The following SDK1 variants were observed in gnomAD, a reference collection of about 807,000 sequenced individuals.
The protein encoded by SDK1 is sidekick cell adhesion molecule 1, also known as protein sidekick-1.
SDK1 carries 157 observed loss-of-function variants against 245.5 expected under a neutral mutation model. The ratio of observed to expected loss-of-function variants is 0.64; its 90% CI spans 0.56 to 0.73. The LOEUF is 0.73. Ranked by LOEUF, SDK1 falls within the 30% of genes least tolerant of loss-of-function variation. The probability of loss-of-function intolerance (pLI) is 0.00; values close to 1 mark genes in which losing one functional copy is unlikely to be tolerated. For synonymous variants in SDK1, 1,647 were observed against 1,278.5 expected (o/e 1.29, Z -6.15); for missense variants, 3,583 against 3,002.3 (o/e 1.19, Z -4.52).
chr7:3,301,575 C>T lies in SDK1; in HGVS notation c.-12C>T, dbSNP rs1306138794. On this transcript the variant is annotated 5_prime_UTR_variant, in exon 1 of 45. Coordinates refer to ENST00000404826, the MANE Select transcript of SDK1 (RefSeq NM_152744.4). The stretch of plus-strand genomic sequence containing the variant: ...CCGTCCGGCGCGGCGCTCGGGGTGG[C>T]GGCTGCTCGGCATGGCCCGGGGCGC... 19 of 945,142 alleles carry T rather than the reference C, an allele frequency of 2.0e-5. 1 individual carries two copies. Among genetic ancestry groups the T allele is most frequent in the South Asian group, 4.8e-5 (1 of 20,912 alleles). The allele number at this position is 945,142 out of a possible 1,614,324, so 58.5% of individuals were successfully genotyped here.
intron 5 of SDK1, among the ~76,000 whole-genome samples, chr7:3,944,386 G>A (rs1027534714): frequency 4.6e-5 from 7 of 152,182 alleles, no homozygotes; most frequent in Admixed American, 6.5e-5. Flanking sequence ...TTTTGTTTTC[G>A]TTCTTGGAAC....
At chr7:3,460,557 A>G (rs1401409333) in intron 1 of SDK1, among the ~76,000 whole-genome samples, 2 of 152,198 alleles carry the variant, frequency 1.3e-5, no homozygotes, top group Non-Finnish European at 2.9e-5. Flanking sequence ...ATAATAATTT[A>G]TTTACACCAA....
intron 1 of SDK1, among the ~76,000 whole-genome samples, chr7:3,553,764 C>T (rs1779491577): frequency 6.6e-6 from 1 of 152,150 alleles, no homozygotes; most frequent in Non-Finnish European, 1.5e-5. Flanking sequence ...CCTAAGACCA[C>T]CTTCTTCTGC....
intron 1 of SDK1, among the ~76,000 whole-genome samples, chr7:3,544,394 G>A (rs1197033963): frequency 6.6e-6 from 1 of 152,190 alleles, no homozygotes; most frequent in African/African-American, 2.4e-5. Flanking sequence ...GGCAGCATGG[G>A]GCCTGTAGAG....
intron 4 of SDK1, among the ~76,000 whole-genome samples, chr7:3,672,678 TTATTAAATAAAATTTA>T (rs1783742326): frequency 7.3e-6 from 1 of 137,866 alleles, no homozygotes; most frequent in South Asian, 2.2e-4. Flanking sequence ...TATAAATTTG[TTATTAAATAAAATTTA>T]TATTAAATAA....
At chr7:3,857,317 A>G (rs568525765) in intron 5 of SDK1, among the ~76,000 whole-genome samples, 2 of 152,256 alleles carry the variant, frequency 1.3e-5, no homozygotes, top group East Asian at 3.9e-4. Context: ...AAGAAACTGA[A>G]AAGAAAAAGG....
intron 1 of SDK1, among the ~76,000 whole-genome samples, chr7:3,522,188 T>C (rs1782961932): frequency 1.3e-5 from 2 of 152,170 alleles, no homozygotes; most frequent in Non-Finnish European, 2.9e-5. Context: ...TTAATCAGAA[T>C]GATGCATCTT....
At chr7:3,399,418 C>T (rs746915039) in intron 1 of SDK1, among the ~76,000 whole-genome samples, 1 of 152,112 alleles carries the variant, frequency 6.6e-6, no homozygotes, top group African/African-American at 2.4e-5. Flanking sequence ...AGTTCAACAT[C>T]TAGGCTTCAT....
intron 22 of SDK1, among the ~76,000 whole-genome samples, chr7:4,089,989 G>T (rs1049163353): frequency 1.3e-5 from 2 of 152,152 alleles, no homozygotes; most frequent in Non-Finnish European, 2.9e-5. Context: ...TTATTTCCCT[G>T]ATTCCCCTCA....
intron 1 of SDK1, among the ~76,000 whole-genome samples, chr7:3,373,172 A>G (rs764187947): frequency 6.6e-6 from 1 of 152,226 alleles, no homozygotes; most frequent in Non-Finnish European, 1.5e-5. Flanking sequence ...CCTACTGAAC[A>G]TCATAGCCTA....
chr7:3,676,482 C>T (rs370772526), intron 4 of SDK1, among the ~76,000 whole-genome samples: 17 of 152,170 alleles, frequency 1.1e-4, no homozygotes, highest in East Asian at 3.9e-4. Context: ...CCTGCCACCA[C>T]GCCCAGCTAA....
chr7:3,461,776 C>G (rs923713972), intron 1 of SDK1, among the ~76,000 whole-genome samples: 1 of 152,158 alleles, frequency 6.6e-6, no homozygotes, highest in African/African-American at 2.4e-5. Context: ...GACTGACCTG[C>G]ATTTATCTTC....
intron 5 of SDK1, among the ~76,000 whole-genome samples, chr7:3,941,017 C>G (rs1282101958): frequency 2.0e-5 from 3 of 151,898 alleles, no homozygotes; most frequent in Non-Finnish European, 4.4e-5. Context: ...CTGCAGAACG[C>G]CTTCCCTTCT....
intron 1 of SDK1, among the ~76,000 whole-genome samples, chr7:3,407,058 C>G (rs1257772898): frequency 6.6e-6 from 1 of 152,058 alleles, no homozygotes; most frequent in Non-Finnish European, 1.5e-5. Context: ...ATCCTTTCAC[C>G]CAGAATTGCT....
In SDK1 at chr7:3,504,176, A is replaced by ATGTGTGTG. The variant is rs1453810894; in HGVS notation, c.299-114903_299-114902insGTGTGTGT. Among the ~76,000 whole-genome samples, 291 of 58,352 alleles carry ATGTGTGTG rather than the reference A, an allele frequency of 5.0e-3. 2 individuals carry two copies. The highest frequency in any genetic ancestry group is 0.017 in the African/African-American group (276 of 16,600). 38.3% of individuals were successfully genotyped at this position (58,352 alleles called of 152,430 possible). ...AAAAAAAACCAAAAAAATTATATAT[A>ATGTGTGTG]TATATATGTGTGTGTGTGTGTGTGT... On this transcript the variant is annotated intron_variant, in intron 1 of 44. Transcript: ENST00000404826.
chr7:3,421,865 G>C (rs1357551363), intron 1 of SDK1, among the ~76,000 whole-genome samples: 1 of 152,120 alleles, frequency 6.6e-6, no homozygotes. Context: ...TGGTTTTTGG[G>C]TGCTTGAGAC....
intron 1 of SDK1, among the ~76,000 whole-genome samples, chr7:3,400,139 C>A (rs886654144): frequency 6.6e-6 from 1 of 151,654 alleles, no homozygotes; most frequent in Non-Finnish European, 1.5e-5. Context: ...TACAGGACTA[C>A]ACATTTTCAC....
At chr7:4,137,919 A>G (rs1323822029) in intron 28 of SDK1, among the ~76,000 whole-genome samples, 1 of 152,202 alleles carries the variant, frequency 6.6e-6, no homozygotes, top group Admixed American at 6.5e-5. Context: ...CCTTTGTGCC[A>G]TTTATGTACA....
chr7:3,690,800 C>T (rs922948057), intron 4 of SDK1, among the ~76,000 whole-genome samples: 2 of 152,198 alleles, frequency 1.3e-5, no homozygotes, highest in African/African-American at 4.8e-5. Context: ...AACCATATGA[C>T]TTGTCTTTAG....
Sources: allele counts gnomAD v4.1 joint callset (sites outside exome capture counted in the v4.1 genomes callset), GRCh38; gene constraint gnomAD v4.1.1; transcripts MANE v1.5; gene names NCBI Gene and HGNC (gene_info 2026-07-23, HGNC 2026-07-21).